SPATA22: variants seen among roughly 807,000 people sequenced by gnomAD.
The protein encoded by SPATA22 is spermatogenesis associated 22.
Under a neutral mutation model 47.8 loss-of-function variants are expected in SPATA22, and 29 were observed. That is an observed-to-expected ratio of 0.61 (90% CI 0.45 to 0.83). The LOEUF (loss-of-function observed/expected upper bound fraction) is 0.83, where lower values mean the gene tolerates loss of function less well. SPATA22 is among the 40% of genes least tolerant of loss of function. The pLI, the probability that SPATA22 is intolerant of heterozygous loss-of-function variation, is 0.00. For synonymous variants in SPATA22, 133 were observed against 140.9 expected, an observed-to-expected ratio of 0.94 and a Z score of 0.40; for missense variants, 410 against 421.7, an observed-to-expected ratio of 0.97 and a Z score of 0.24.
intron 1 of SPATA22, among the ~76,000 whole-genome samples, chr17:3,508,450 C>T (rs998707518): frequency 2.0e-5 from 3 of 151,348 alleles, no homozygotes; most frequent in Admixed American, 6.6e-5. Context: ...CACATGCACA[C>T]GTATGTTTAT....
chr17:3,489,811 C>G (rs2073792149), intron 1 of SPATA22, among the ~76,000 whole-genome samples: 1 of 152,168 alleles, frequency 6.6e-6, no homozygotes, highest in African/African-American at 2.4e-5. Flanking sequence ...AATCTTACAG[C>G]ATCCACTTCT....
intron 1 of SPATA22, among the ~76,000 whole-genome samples, chr17:3,492,574 G>T (rs1469406326): frequency 6.6e-6 from 1 of 152,158 alleles, no homozygotes; most frequent in Non-Finnish European, 1.5e-5. Flanking sequence ...CATGTGAATT[G>T]TTTTGTGCCA....
At chr17:3,475,490 G>C (rs1451859573), upstream of SPATA22, 1 of 152,288 alleles carries the variant, frequency 6.6e-6, no homozygotes, top group Non-Finnish European at 1.5e-5. Flanking sequence ...GAAATGAAGG[G>C]ATGTTTCAGG....
chr17:3,485,541 C>T lies in SPATA22; in HGVS notation c.-73-16143G>A, dbSNP rs1201846664. On this transcript the variant is annotated intron_variant, in intron 1 of 8. Transcript: ENST00000541913. The surrounding 1 kb of genome is among the most constrained non-coding windows in gnomAD (Gnocchi z 4.4). ...AAAAACAAACAAACAAAAATACTAG[C>T]CATCTAACACTGGAAATACATACAT... Among the ~76,000 whole-genome samples the T allele has an allele frequency of 6.6e-6, 1 of 152,134 alleles. No individual in the cohort carries two copies. Among genetic ancestry groups the T allele is most frequent in the Non-Finnish European group, 1.5e-5 (1 of 68,014 alleles).
chr17:3,444,547 G>A (rs2072677046), intron 7 of SPATA22, among the ~76,000 whole-genome samples: 2 of 152,054 alleles, frequency 1.3e-5, no homozygotes, highest in Admixed American at 6.6e-5. Context: ...AGCTTCTGGA[G>A]AGACTATAGT....
chr17:3,501,304 T>TC (rs1180639447), intron 1 of SPATA22: 1 of 152,214 alleles, frequency 6.6e-6, no homozygotes, highest in Non-Finnish European at 1.5e-5. Flanking sequence ...ACATTCAGGA[T>TC]CCGTGGGAGG....
At position 3,448,960 on chromosome 17, in the gene SPATA22, C is replaced by T; in HGVS notation, c.519G>A (p.Glu173=). ...PPNLSRNKET[E]LLRQTHSSKI... is the part of the protein sequence containing the mutation. Reference sequence around the variant, plus strand: ...TTGATGAATGTGTTTGTCTGAGTAGCTCGGTTTCTTTGTTGCGAGATAAGT... The same window carrying T: ...TTGATGAATGTGTTTGTCTGAGTAGTTCGGTTTCTTTGTTGCGAGATAAGT... The change falls in exon 6 of 9, where the codon GAG becomes GAA. Residue 173 remains glutamate, a synonymous_variant. Coordinates refer to ENST00000572969, the MANE Select transcript of SPATA22 (RefSeq NM_001170698.2). The T allele has an allele frequency of 6.2e-7, 1 of 1,613,990 alleles. No individual in the cohort carries two copies. The highest frequency in any genetic ancestry group is 8.5e-7 in the Non-Finnish European group (1 of 1,179,964).
At chr17:3,447,086 T>C (rs2072743383) in intron 6 of SPATA22, among the ~76,000 whole-genome samples, 2 of 152,096 alleles carry the variant, frequency 1.3e-5, no homozygotes, top group African/African-American at 4.8e-5. Flanking sequence ...TTTTATTGTC[T>C]AGTGGAGGAT....
At chr17:3,492,479 G>A (rs190828926) in intron 1 of SPATA22, among the ~76,000 whole-genome samples, 107 of 152,212 alleles carry the variant, frequency 7.0e-4, no homozygotes, top group African/African-American at 5.3e-4. Context: ...CCTTTCCCGC[G>A]TCCACATCCT....
At chr17:3,509,091 G>A (rs72809869) in intron 1 of SPATA22, among the ~76,000 whole-genome samples, 33,277 of 151,588 alleles carry the variant, frequency 0.22, 3,963 homozygotes, top group Non-Finnish European at 0.27. Flanking sequence ...TGGTGGACAG[G>A]AGGGATTTAT....
chr17:3,504,810 C>T (rs574181910), intron 1 of SPATA22, among the ~76,000 whole-genome samples: 8 of 152,278 alleles, frequency 5.3e-5, no homozygotes, highest in East Asian at 1.9e-4. Context: ...CCACCCACCT[C>T]GGCCTCCAAG....
At chr17:3,441,888 A>G (rs1423529895) in intron 8 of SPATA22, 3 of 152,092 alleles carry the variant, frequency 2.0e-5, no homozygotes, top group Non-Finnish European at 4.4e-5. Context: ...AAAGGAAATC[A>G]CATATTTAAA....
At chr17:3,471,839 T>G (rs1025641398), upstream of SPATA22, 3 of 985,314 alleles carry the variant, frequency 3.0e-6, no homozygotes, top group African/African-American at 5.2e-5. Flanking sequence ...GCAGGCGCCG[T>G]GGACCGCGCA....
intron 5 of SPATA22, among the ~76,000 whole-genome samples, chr17:3,452,348 C>T (rs2072882241): frequency 6.7e-6 from 1 of 150,126 alleles, no homozygotes. Context: ...AATCCCAGCA[C>T]TTTGGGAGGC....
At chr17:3,464,629 G>C (rs1448035652) in intron 3 of SPATA22, among the ~76,000 whole-genome samples, 1 of 146,212 alleles carries the variant, frequency 6.8e-6, no homozygotes, top group Non-Finnish European at 1.5e-5. Context: ...CCTTTGCCCC[G>C]CCGCCCCATC....
intron 5 of SPATA22, among the ~76,000 whole-genome samples, chr17:3,457,792 C>G (rs2039021185): frequency 6.6e-6 from 1 of 152,192 alleles, no homozygotes; most frequent in Non-Finnish European, 1.5e-5. Flanking sequence ...GAACTGAACT[C>G]TCACCTTACA....
At chr17:3,465,387 T>C (rs1314032790) in intron 3 of SPATA22, among the ~76,000 whole-genome samples, 6 of 151,812 alleles carry the variant, frequency 4.0e-5, no homozygotes, top group Admixed American at 2.0e-4. Context: ...GCCGTGTCAG[T>C]GTAGAAAGAA....
At chr17:3,475,978 G>A (rs78603097), upstream of SPATA22, 656 of 618,336 alleles carry the variant, frequency 1.1e-3, 5 homozygotes, top group East Asian at 0.017. Context: ...AAAGAAGGGA[G>A]TGTCCATAAA....
upstream of SPATA22, chr17:3,471,981 T>A: frequency 2.0e-6 from 1 of 499,960 alleles, no homozygotes; most frequent in Non-Finnish European, 2.6e-6. Context: ...TCCAGCTCCT[T>A]AGAGTTTTGC....
Sources: gnomAD v4.1 joint callset for allele counts (sites outside exome capture counted in the v4.1 genomes callset) on GRCh38, gnomAD v4.1.1 for gene constraint, Gnocchi (gnomAD v3.1) non-coding constraint, MANE v1.5 for transcripts, NCBI Gene and HGNC (gene_info 2026-07-23, HGNC 2026-07-21) for gene names.